Variants in HUNK observed in about 807,000 individuals in gnomAD.
HUNK encodes hormonally up-regulated Neu-associated kinase, also known as hormonally up-regulated neu tumor-associated kinase.
HUNK carries 21 observed loss-of-function variants against 61.0 expected under a neutral mutation model. The ratio of observed to expected loss-of-function variants is 0.34; its 90% CI spans 0.24 to 0.50. The LOEUF (loss-of-function observed/expected upper bound fraction) is 0.50. Among genes scored for constraint, HUNK ranks in the 20% least tolerant of loss-of-function variants. The pLI is 0.98. For synonymous variants in HUNK, 371 were observed against 386.1 expected (o/e 0.96, Z 0.46); for missense variants, 772 against 945.7 (o/e 0.82, Z 2.41).
At chr21:31,970,171 C>T (rs2053000214) in intron 6 of HUNK, among the ~76,000 whole-genome samples, 1 of 152,144 alleles carries the variant, frequency 6.6e-6, no homozygotes, top group African/African-American at 2.4e-5. Flanking sequence ...GAAACACCCA[C>T]CAAGCCTTAT....
At chr21:31,948,326 C>T (rs973920703) in intron 4 of HUNK, among the ~76,000 whole-genome samples, 5 of 152,206 alleles carry the variant, frequency 3.3e-5, no homozygotes, top group African/African-American at 1.2e-4. Flanking sequence ...CATTCCAGCC[C>T]TTACATGCAC....
chr21:31,984,704 A>G (rs2053121071), intron 8 of HUNK, among the ~76,000 whole-genome samples: 1 of 152,118 alleles, frequency 6.6e-6, no homozygotes, highest in Admixed American at 6.5e-5. Context: ...CCCCTCATTC[A>G]CTTTTTGCCA....
chr21:31,936,691 C>T (rs2052734998), intron 2 of HUNK, among the ~76,000 whole-genome samples: 1 of 151,846 alleles, frequency 6.6e-6, no homozygotes, highest in Admixed American at 6.6e-5. Flanking sequence ...TATGTCCTGC[C>T]CTAGTTTTAG....
chr21:31,994,557 G>C (rs748688068), intron 9 of HUNK, among the ~76,000 whole-genome samples: 3 of 152,098 alleles, frequency 2.0e-5, no homozygotes, highest in Non-Finnish European at 2.9e-5. Flanking sequence ...CCTCACCCAC[G>C]GTGAGGTCAG....
intron 4 of HUNK, among the ~76,000 whole-genome samples, chr21:31,958,264 A>G (rs1335989379): frequency 1.3e-5 from 2 of 151,464 alleles, no homozygotes. Flanking sequence ...GGGTCTTCAC[A>G]TTCAAGTGCT....
chr21:31,989,713 CA>C (rs758563763), intron 8 of HUNK, among the ~76,000 whole-genome samples: 1,361 of 80,306 alleles, frequency 0.017, 8 homozygotes, highest in African/African-American at 0.054. Flanking sequence ...GACTCGGTCT[CA>C]AAAAAAAAAA....
At chr21:31,942,769 C>G (rs11088194) in intron 3 of HUNK, among the ~76,000 whole-genome samples, 67,661 of 152,036 alleles carry the variant, frequency 0.45, 17,314 homozygotes, top group African/African-American at 0.71. Flanking sequence ...TGCTAGAAAG[C>G]AGGCAGTGAC....
chr21:31,875,405 T>C (rs528641987), intron 1 of HUNK, among the ~76,000 whole-genome samples: 1 of 152,288 alleles, frequency 6.6e-6, no homozygotes, highest in South Asian at 2.1e-4. Context: ...ATTATGGGTA[T>C]GTGGGGATAG....
chr21:31,990,048 T>C, intron 8 of HUNK, 81 bp from the exon 9 acceptor site: 2 of 1,244,668 alleles, frequency 1.6e-6, no homozygotes, highest in South Asian at 2.4e-5. Flanking sequence ...CAACCAGAGC[T>C]GCAGGGCCGT....
chr21:31,992,624 G>A (rs549463211), intron 9 of HUNK, among the ~76,000 whole-genome samples: 2 of 152,352 alleles, frequency 1.3e-5, no homozygotes, highest in East Asian at 3.9e-4. Flanking sequence ...AGGGAAGCCA[G>A]GAGTCTCTGC....
intron 1 of HUNK, among the ~76,000 whole-genome samples, chr21:31,912,264 G>T (rs1011588442): frequency 6.6e-6 from 1 of 152,136 alleles, no homozygotes; most frequent in Non-Finnish European, 1.5e-5. Flanking sequence ...AGTCATTTTT[G>T]AAATGACCGA....
At chr21:31,885,462 T>C (rs556125854) in intron 1 of HUNK, among the ~76,000 whole-genome samples, 2 of 152,268 alleles carry the variant, frequency 1.3e-5, no homozygotes, top group African/African-American at 4.8e-5. Flanking sequence ...CTCTGCTTTG[T>C]CCCTCCTCAC....
At chr21:31,965,280 G>C (rs2052955841) in intron 5 of HUNK, among the ~76,000 whole-genome samples, 1 of 151,024 alleles carries the variant, frequency 6.6e-6, no homozygotes, top group East Asian at 2.0e-4. Flanking sequence ...GGGAACAATA[G>C]ACACTGGGGC....
intron 4 of HUNK, among the ~76,000 whole-genome samples, chr21:31,954,257 G>A (rs559034035): frequency 7.6e-4 from 116 of 152,302 alleles, no homozygotes; most frequent in Non-Finnish European, 1.1e-3. Context: ...TAGGTGTGCC[G>A]TAAAGATTAA....
At chr21:31,942,137 G>C (rs2052773016) in intron 3 of HUNK, among the ~76,000 whole-genome samples, 1 of 152,250 alleles carries the variant, frequency 6.6e-6, no homozygotes, top group Non-Finnish European at 1.5e-5. Context: ...TTGAACCTGG[G>C]AGGTGGAGGT....
At chr21:31,901,207 G>T (rs1312157813) in intron 1 of HUNK, among the ~76,000 whole-genome samples, 1 of 152,196 alleles carries the variant, frequency 6.6e-6, no homozygotes, top group African/African-American at 2.4e-5. Flanking sequence ...CATGAAATTT[G>T]TTGGGGGACA....
At chr21:31,914,589 A>C (rs2052569419) in intron 1 of HUNK, among the ~76,000 whole-genome samples, 1 of 152,098 alleles carries the variant, frequency 6.6e-6, no homozygotes, top group African/African-American at 2.4e-5. Flanking sequence ...TGGGTGGCTT[A>C]AAACAACAGA....
chr21:31,967,342 C>T (rs1231138502), intron 5 of HUNK, among the ~76,000 whole-genome samples: 2 of 149,564 alleles, frequency 1.3e-5, no homozygotes, highest in Non-Finnish European at 2.9e-5. Flanking sequence ...CAGTGTGAGA[C>T]TCTGTCTCCA....
At chr21:31,920,552 T>C (rs942433828) in intron 1 of HUNK, among the ~76,000 whole-genome samples, 1 of 152,242 alleles carries the variant, frequency 6.6e-6, no homozygotes, top group Non-Finnish European at 1.5e-5. Context: ...TTCAGCATTC[T>C]TTTTTCTCCA....
Sources: allele counts gnomAD v4.1 joint callset (sites outside exome capture counted in the v4.1 genomes callset), GRCh38; gene constraint gnomAD v4.1.1; transcripts MANE v1.5; gene names NCBI Gene and HGNC (gene_info 2026-07-23, HGNC 2026-07-21).